Variants in AGR3 observed in about 807,000 individuals in gnomAD.
AGR3 encodes the protein anterior gradient protein 3.
A neutral mutation model predicts 24.5 loss-of-function variants in AGR3; 37 were observed. The observed-to-expected ratio is 1.51, with a 90% confidence interval of 1.16 to 1.99. AGR3 has a LOEUF of 1.99. AGR3 is among the 30% of genes most tolerant of loss of function. The pLI is 0.00. For missense variants in AGR3, 228 were observed against 191.1 expected (o/e 1.19, Z -1.14); for synonymous variants, 75 against 61.6 (o/e 1.22, Z -1.02).
In AGR3 at chr7:16,859,536, C is replaced by G. The variant is rs1187742090; in HGVS notation, c.*46G>C. On this transcript the variant is annotated 3_prime_UTR_variant, in exon 8 of 8. Coordinates refer to ENST00000310398, the MANE Select transcript of AGR3 (RefSeq NM_176813.5). ...TTGTCAATGTGCCAGAGGTTTTCTT[C>G]ATGAAATTTGACTTCTTTGAAGTGA... The G allele has an allele frequency of 7.5e-7, 1 of 1,331,748 alleles. No individual in the cohort carries two copies. Among genetic ancestry groups the G allele is most frequent in the African/African-American group, 1.4e-5 (1 of 69,536 alleles). The allele number at this position is 1,331,748 out of a possible 1,614,324, so 82.5% of individuals were successfully genotyped here.
chr7:16,873,685 T>C, intron 3 of AGR3, 95 bp downstream of exon 3: 1 of 903,914 alleles, frequency 1.1e-6, no homozygotes, highest in Non-Finnish European at 1.8e-6. Flanking sequence ...ATTGTGTACA[T>C]GTATCAGCAT....
At chr7:16,864,311 C>T (rs377459159) in intron 3 of AGR3, 69 of 1,358,634 alleles carry the variant, frequency 5.1e-5, no homozygotes, top group African/African-American at 3.9e-4. Context: ...TTTTCTTCCA[C>T]GTCTCCTTGG....
At chr7:16,878,422 T>G (rs1782033190) in intron 2 of AGR3, 88 bp downstream of exon 2, 2 of 1,155,476 alleles carry the variant, frequency 1.7e-6, no homozygotes, top group African/African-American at 3.1e-5. Context: ...TGAATTTGCT[T>G]TATAATTAGA....
intron 1 of AGR3, among the ~76,000 whole-genome samples, chr7:16,880,320 C>T (rs1782085719): frequency 6.6e-6 from 1 of 151,688 alleles, no homozygotes; most frequent in African/African-American, 2.4e-5. Flanking sequence ...ACCATCATGC[C>T]CGGCTAATTT....
chr7:16,864,419 C>T, intron 3 of AGR3: 2 of 1,276,690 alleles, frequency 1.6e-6, no homozygotes, highest in Non-Finnish European at 2.3e-6. Context: ...TGTGCGGGTT[C>T]ACCCAGAGAT....
At chr7:16,877,862 CAA>C (rs67623743) in intron 2 of AGR3, among the ~76,000 whole-genome samples, 14,656 of 126,282 alleles carry the variant, frequency 0.12, 906 homozygotes, top group East Asian at 0.31. Flanking sequence ...GACTCCGTCT[CAA>C]AAAAAAAAAA....
chr7:16,863,803 G>A (rs533736132), intron 3 of AGR3, among the ~76,000 whole-genome samples: 1 of 151,428 alleles, frequency 6.6e-6, no homozygotes, highest in African/African-American at 2.4e-5. Context: ...CCAATCTCTT[G>A]TGTTTAGATT....
At chr7:16,874,454 T>C (rs990299567) in intron 2 of AGR3, among the ~76,000 whole-genome samples, 5 of 152,050 alleles carry the variant, frequency 3.3e-5, no homozygotes, top group African/African-American at 1.2e-4. Flanking sequence ...AGAGAACCCA[T>C]TAGCCTTAAA....
At chr7:16,862,347 C>T (rs1002502540) in intron 4 of AGR3, among the ~76,000 whole-genome samples, 10 of 152,132 alleles carry the variant, frequency 6.6e-5, no homozygotes, top group Non-Finnish European at 1.3e-4. Context: ...AGTGTTTCTA[C>T]ACCTTCTCAG....
intron 2 of AGR3, among the ~76,000 whole-genome samples, chr7:16,875,236 C>T (rs1427353236): frequency 6.6e-6 from 1 of 152,088 alleles, no homozygotes; most frequent in Non-Finnish European, 1.5e-5. Context: ...AAACCCTATA[C>T]CATTTAGCTA....
intron 3 of AGR3, chr7:16,864,696 T>C (rs1422426184): frequency 6.4e-7 from 1 of 1,568,044 alleles, no homozygotes. Context: ...CCAGGCAATT[T>C]TCCCCATACT....
downstream of AGR3, among the ~76,000 whole-genome samples, chr7:16,855,709 G>C (rs1203266493): frequency 2.0e-5 from 3 of 152,152 alleles, no homozygotes; most frequent in Non-Finnish European, 4.4e-5. Flanking sequence ...ACTCAGTAAG[G>C]AGGTTCATGA....
chr7:16,859,481 A>G lies in AGR3; in HGVS notation c.*101T>C. 1.3e-6 allele frequency: 1 copy of G among 767,344 alleles called. No individual in the cohort carries two copies. The allele number at this position is 767,344 out of a possible 1,614,324, so 47.5% of individuals were successfully genotyped here. A position where few individuals can be genotyped will look rare whatever the true frequency, so the allele number is the denominator to read the frequency against. ...ATTAAAAAAACTAAATAGTAATATT[A>G]CAAAATCTATATACTTGCACATTTA... is the stretch of plus-strand genomic sequence containing the variant. On this transcript the variant is annotated 3_prime_UTR_variant, in exon 8 of 8. Transcript: ENST00000310398.
At position 16,862,672 on chromosome 7, in the gene AGR3, GA is replaced by G. The variant is rs781254740; in HGVS notation, c.174-11del. ...CATTAATGGCTTCTTACTAAACAAA[GA>G]AAGTATGGAATTAAGTCAAATGATT... On this transcript the variant is annotated splice_polypyrimidine_tract_variant and intron_variant, in intron 3 of 7. Transcript: ENST00000310398. 11 of 1,535,894 alleles carry G rather than the reference GA, an allele frequency of 7.2e-6. No homozygotes were observed. The highest frequency in any genetic ancestry group is 1.4e-5 in the African/African-American group (1 of 69,974).
chr7:16,873,771 G>A lies in AGR3; in HGVS notation c.173+9C>T, dbSNP rs528900852. Reference sequence around the variant, plus strand: ...TAAAAGGAAAAAAATGAGCTGAGAAGCATGTTACCTTTTTTGAGCATAAAA... The same window carrying A: ...TAAAAGGAAAAAAATGAGCTGAGAAACATGTTACCTTTTTTGAGCATAAAA... On this transcript the variant is annotated intron_variant, in intron 3 of 7. Coordinates refer to ENST00000310398, the MANE Select transcript of AGR3 (RefSeq NM_176813.5). 70 of 1,598,814 alleles carry A rather than the reference G, an allele frequency of 4.4e-5. No individual in the cohort carries two copies. The East Asian group carries it at 1.5e-3, about 35-fold the overall frequency.
In AGR3 at chr7:16,861,411, G is replaced by T. The variant is rs145337555; in HGVS notation, c.340C>A (p.Gln114Lys). 38 of 1,610,490 alleles carry T rather than the reference G, an allele frequency of 2.4e-5. No individual in the cohort carries two copies. The highest frequency in any genetic ancestry group is 3.1e-5 in the Non-Finnish European group (37 of 1,178,240). Residue 114 changes from glutamine (Q) to lysine (K), a missense_variant, in exon 6 of 8, where the codon CAA (glutamine) becomes AAA (lysine). Gln to Lys is a moderately conservative substitution (Grantham distance 53). Coordinates refer to ENST00000310398, the MANE Select transcript of AGR3 (RefSeq NM_176813.5). ...TTDKNLSPDGQYVPRIMFVDP... is the reference protein window; with the variant it reads ...TTDKNLSPDGKYVPRIMFVDP... ...ACAAACATGATTCTAGGCACATATT[G>T]CCCATCAGGTGATAAATTCTTATCA...
chr7:16,859,576 C>T lies in AGR3; in HGVS notation c.*6G>A, dbSNP rs1414453485. Reference sequence around the variant, plus strand: ...CTTTGAAGTGAAGGCTTTTTTCCATCATCTCTTATAGCTCTGACTGAATAA... The same window carrying T: ...CTTTGAAGTGAAGGCTTTTTTCCATTATCTCTTATAGCTCTGACTGAATAA... On this transcript the variant is annotated 3_prime_UTR_variant, in exon 8 of 8. Transcript: ENST00000310398. 1 of 1,546,866 alleles carries T rather than the reference C, an allele frequency of 6.5e-7. No homozygotes were observed. Among genetic ancestry groups the T allele is most frequent in the Non-Finnish European group, 8.8e-7 (1 of 1,137,898 alleles).
intron 6 of AGR3, 130 bp downstream of exon 6, chr7:16,861,254 C>G (rs1454941051): frequency 4.7e-6 from 3 of 632,414 alleles, no homozygotes; most frequent in Non-Finnish European, 7.8e-6. Flanking sequence ...CTAACAAGAG[C>G]TGATATTATT....
chr7:16,865,480 G>A (rs111471673), intron 3 of AGR3: 58 of 735,514 alleles, frequency 7.9e-5, no homozygotes, highest in African/African-American at 1.2e-4. Flanking sequence ...TGCTCTTCCC[G>A]AATTTCTTTG....
Sources: allele counts gnomAD v4.1 joint callset (sites outside exome capture counted in the v4.1 genomes callset), GRCh38; gene constraint gnomAD v4.1.1; transcripts MANE v1.5; gene names NCBI Gene and HGNC (gene_info 2026-07-23, HGNC 2026-07-21).